Variants in LRRC7 observed in about 807,000 individuals in gnomAD.
LRRC7 encodes the protein leucine-rich repeat-containing protein 7.
A neutral mutation model predicts 175.7 loss-of-function variants in LRRC7; 23 were observed. The ratio of observed to expected loss-of-function variants is 0.13; its 90% CI spans 0.09 to 0.19. LRRC7 has a LOEUF of 0.19. LRRC7 is among the 10% of genes least tolerant of loss of function. The probability of loss-of-function intolerance (pLI) is 1.00; values close to 1 mark genes in which losing one functional copy is unlikely to be tolerated. For missense variants in LRRC7, 1,354 were observed against 1,904.7 expected (o/e 0.71, Z 5.38); for synonymous variants, 685 against 680.9 (o/e 1.01, Z -0.09).
At position 69,995,634 on chromosome 1, in the gene LRRC7, A is replaced by G. The variant is rs193162979; in HGVS notation, c.1004+1001A>G. Among the ~76,000 whole-genome samples, 42 of 147,578 alleles carry G rather than the reference A, an allele frequency of 2.8e-4. 1 individual carries two copies. The East Asian group carries it at 8.3e-3, about 29-fold the overall frequency. ...TGTTCTCATTGTTCAAGTCCCACCT[A>G]TGAGTGAGAATATGCGGTGTTTGGT... On this transcript the variant is annotated intron_variant, in intron 11 of 26. Transcript: ENST00000651989.
At chr1:69,755,979 A>C (rs1670378938) in intron 2 of LRRC7, among the ~76,000 whole-genome samples, 2 of 151,948 alleles carry the variant, frequency 1.3e-5, no homozygotes, top group Admixed American at 1.3e-4. Flanking sequence ...GATCAAAAGA[A>C]ACAAGCAGAA....
intron 1 of LRRC7, among the ~76,000 whole-genome samples, chr1:69,613,252 T>C (rs1649088604): frequency 6.6e-6 from 1 of 152,024 alleles, no homozygotes; most frequent in Admixed American, 6.6e-5. Flanking sequence ...TCTCATTTTA[T>C]CTTATTTAAT....
intron 8 of LRRC7, among the ~76,000 whole-genome samples, chr1:69,948,102 C>A (rs1259087507): frequency 6.6e-6 from 1 of 152,002 alleles, no homozygotes; most frequent in Non-Finnish European, 1.5e-5. Context: ...CAGGACAGTG[C>A]GAGATTTCAT....
chr1:69,963,280 T>G (rs1651310137), intron 8 of LRRC7, among the ~76,000 whole-genome samples: 1 of 145,682 alleles, frequency 6.9e-6, no homozygotes. Flanking sequence ...TACTCCAGCC[T>G]GGGTGACAGA....
At chr1:69,690,127 A>G (rs1661656310) in intron 2 of LRRC7, among the ~76,000 whole-genome samples, 1 of 152,182 alleles carries the variant, frequency 6.6e-6, no homozygotes, top group Non-Finnish European at 1.5e-5. Flanking sequence ...CAGCCTCCAT[A>G]GTTATTTTTG....
chr1:69,740,053 A>G (rs949153957), intron 2 of LRRC7, among the ~76,000 whole-genome samples: 23 of 152,078 alleles, frequency 1.5e-4, no homozygotes, highest in African/African-American at 5.6e-4. Context: ...GAGAGGTTAG[A>G]GGTTCTACTA....
chr1:69,854,633 T>G lies in LRRC7; in HGVS notation c.647+16350T>G, dbSNP rs1683377868. ...CAGATATCCAGATATCTTTACACTC[T>G]CATATAGAATGAAGTTATTACTTGA... is the stretch of plus-strand genomic sequence containing the variant. On this transcript the variant is annotated intron_variant, in intron 7 of 26. Transcript: ENST00000651989. Among the ~76,000 whole-genome samples the G allele has an allele frequency of 2.6e-5, 4 of 152,172 alleles. No individual in the cohort carries two copies. In the South Asian group the frequency reaches 8.3e-4, roughly 31 times the overall value.
intron 8 of LRRC7, among the ~76,000 whole-genome samples, chr1:69,960,992 C>A (rs1651017210): frequency 6.6e-6 from 1 of 152,164 alleles, no homozygotes; most frequent in Non-Finnish European, 1.5e-5. Flanking sequence ...GGCAATCAGG[C>A]AAGAGAAAGA....
At chr1:69,625,461 ATATTT>A (rs1266646985) in intron 1 of LRRC7, among the ~76,000 whole-genome samples, 2 of 148,974 alleles carry the variant, frequency 1.3e-5, no homozygotes, top group Admixed American at 6.8e-5. Context: ...TGTTTTCTTG[ATATTT>A]TATTAATTTA....
intron 20 of LRRC7, 81 bp from the exon 21 acceptor site, chr1:70,038,032 C>T (rs1252338692): frequency 4.0e-6 from 6 of 1,486,270 alleles, no homozygotes; most frequent in Non-Finnish European, 5.4e-6. Flanking sequence ...AGGATGATGG[C>T]CCTCTTTGCT....
chr1:69,786,810 G>A (rs1674501959), intron 3 of LRRC7, among the ~76,000 whole-genome samples: 1 of 152,114 alleles, frequency 6.6e-6, no homozygotes, highest in Admixed American at 6.5e-5. Flanking sequence ...TTTGGGTGGG[G>A]ATACAGCCAA....
chr1:69,903,846 C>T (rs1008203738), intron 7 of LRRC7, among the ~76,000 whole-genome samples: 4 of 152,116 alleles, frequency 2.6e-5, no homozygotes, highest in African/African-American at 7.2e-5. Flanking sequence ...CACAGAAATA[C>T]AAACTACCAT....
At chr1:70,117,825 A>G (rs12026267) in intron 26 of LRRC7, among the ~76,000 whole-genome samples, 40,005 of 152,034 alleles carry the variant, frequency 0.26, 6,310 homozygotes, top group Non-Finnish European at 0.34. Flanking sequence ...ATTCAAATCT[A>G]TGATAGTGTG....
chr1:69,770,018 G>A (rs1260844565), intron 3 of LRRC7, among the ~76,000 whole-genome samples: 2 of 152,172 alleles, frequency 1.3e-5, no homozygotes, highest in Non-Finnish European at 2.9e-5. Flanking sequence ...AACCAAGAGA[G>A]TTCTAGACTG....
intron 1 of LRRC7, among the ~76,000 whole-genome samples, chr1:69,657,374 G>A (rs1656759216): frequency 6.6e-6 from 1 of 151,816 alleles, no homozygotes; most frequent in Non-Finnish European, 1.5e-5. Flanking sequence ...AACATTAGCA[G>A]TGCTTCAAGA....
intron 25 of LRRC7, among the ~76,000 whole-genome samples, chr1:70,097,708 G>A (rs947929414): frequency 2.2e-4 from 33 of 150,316 alleles, no homozygotes; most frequent in African/African-American, 7.8e-4. Flanking sequence ...GAGAATATGC[G>A]GTGTTTGGTT....
At chr1:70,023,042 A>G in intron 16 of LRRC7, 84 bp from the exon 17 acceptor site, 1 of 1,397,810 alleles carries the variant, frequency 7.2e-7, no homozygotes, top group Non-Finnish European at 9.4e-7. Context: ...AGTGAAAGAA[A>G]AAGAGAGTAG....
Position 70,143,593 on chromosome 1 carries a change from T to TTCTG in LRRC7, c.*21710_*21713dup, listed in dbSNP as rs1463351699. The stretch of plus-strand genomic sequence containing the variant: ...CTTAATCTTTATAAATTGGGGCCTT[T>TTCTG]TCTGTCTCTTTGCTAGCCTAGGTGG... On this transcript the variant is annotated 3_prime_UTR_variant, in exon 27 of 27. Transcript: ENST00000651989. 1 of 152,106 alleles carries TTCTG rather than the reference T, an allele frequency of 6.6e-6. No individual in the cohort carries two copies. Among genetic ancestry groups the TTCTG allele is most frequent in the Admixed American group, 6.6e-5 (1 of 15,266 alleles). 9.4% of individuals were successfully genotyped at this position (152,106 alleles called of 1,614,324 possible). A position where few individuals can be genotyped will look rare whatever the true frequency, so the allele number is the denominator to read the frequency against.
intron 1 of LRRC7, among the ~76,000 whole-genome samples, chr1:69,663,271 T>G (rs1657752682): frequency 8.6e-6 from 1 of 116,306 alleles, no homozygotes; most frequent in South Asian, 3.1e-4. Context: ...TGTGCTGTAG[T>G]ATGTAATACA....
Sources: allele counts gnomAD v4.1 joint callset (sites outside exome capture counted in the v4.1 genomes callset), GRCh38; gene constraint gnomAD v4.1.1; transcripts MANE v1.5; gene names NCBI Gene and HGNC (gene_info 2026-07-23, HGNC 2026-07-21).